The following SMARCA2 variants were observed in gnomAD, a reference collection of about 807,000 sequenced individuals.
The protein encoded by SMARCA2 is SWI/SNF related BAF chromatin remodeling complex subunit ATPase 2.
A neutral mutation model predicts 199.8 loss-of-function variants in SMARCA2; 61 were observed. That is an observed-to-expected ratio of 0.31 (90% CI 0.25 to 0.38). The LOEUF is 0.38. Ranked by LOEUF, SMARCA2 falls within the 10% of genes least tolerant of loss-of-function variation. SMARCA2 has a pLI of 1.00. For synonymous variants in SMARCA2, 935 were observed against 732.0 expected, an observed-to-expected ratio of 1.28 and a Z score of -4.48; for missense variants, 1,344 against 2,012.2, an observed-to-expected ratio of 0.67 and a Z score of 6.35.
At chr9:2,025,814 T>C (rs1366157817) in intron 1 of SMARCA2, among the ~76,000 whole-genome samples, 1 of 152,204 alleles carries the variant, frequency 6.6e-6, no homozygotes, top group Non-Finnish European at 1.5e-5. Context: ...ACCCGAAATG[T>C]AGAGGAAGAA....
chr9:2,043,117 A>G (rs1819682731), intron 4 of SMARCA2: 1 of 152,130 alleles, frequency 6.6e-6, no homozygotes, highest in African/African-American at 2.4e-5. Context: ...ACCCCTGCTA[A>G]TATTTCAGGA....
At position 2,123,826 on chromosome 9, in the gene SMARCA2, A is replaced by C. The variant is rs757958573; in HGVS notation, c.3870A>C (p.Glu1290Asp). 1 of 1,613,210 alleles carries C rather than the reference A, an allele frequency of 6.2e-7. No homozygotes were observed. Among genetic ancestry groups the C allele is most frequent in the Non-Finnish European group, 8.5e-7 (1 of 1,179,660 alleles). ...LPSWIIKDDA[E>D]VERLTCEEEE... ...CCTGGATCATTAAGGATGACGCTGAAGTAGAAAGGCTCACCTGTGAAGAAG... is the reference window on the plus strand; with the variant it reads ...CCTGGATCATTAAGGATGACGCTGACGTAGAAAGGCTCACCTGTGAAGAAG... Residue 1290 changes from glutamate (E) to aspartate (D), a missense_variant, in exon 27 of 34, where the codon GAA becomes GAC. This residue lies in a region of SMARCA2 where 63 missense variants were observed against 83.3 expected (regional missense o/e 0.76). Transcript: ENST00000349721. This position sits in a 1 kb window ranked among gnomAD's most constrained non-coding sequence, Gnocchi z 4.1.
At chr9:2,022,310 A>C (rs1242726757) in intron 1 of SMARCA2, among the ~76,000 whole-genome samples, 2 of 152,226 alleles carry the variant, frequency 1.3e-5, no homozygotes, top group Non-Finnish European at 2.9e-5. Context: ...AGGTGTCTTC[A>C]TATCTCATAT....
intron 29 of SMARCA2, chr9:2,181,343 T>C: frequency 2.4e-6 from 1 of 409,558 alleles, no homozygotes; most frequent in East Asian, 5.3e-5. Context: ...TCCCATATTG[T>C]ATGTGTGACA....
intron 26 of SMARCA2, among the ~76,000 whole-genome samples, chr9:2,122,217 T>C (rs118176887): frequency 2.0e-5 from 3 of 152,350 alleles, no homozygotes; most frequent in South Asian, 2.1e-4. Context: ...TAGAAATGTA[T>C]TGATTAAACA....
intron 1 of SMARCA2, among the ~76,000 whole-genome samples, chr9:2,018,192 G>T (rs762900077): frequency 1.3e-5 from 2 of 152,254 alleles, no homozygotes; most frequent in Admixed American, 6.5e-5. Context: ...GAATGAGGAA[G>T]GCTTGGGAAT....
At chr9:2,088,453 C>T in intron 18 of SMARCA2, 47 bp from the exon 19 acceptor site, 1 of 1,541,494 alleles carries the variant, frequency 6.5e-7, no homozygotes, top group Non-Finnish European at 8.7e-7. Flanking sequence ...TTGTATGAAA[C>T]ATCCTTTTCT....
chr9:2,144,933 CTG>C (rs147966017), intron 27 of SMARCA2, among the ~76,000 whole-genome samples: 2,422 of 152,086 alleles, frequency 0.016, 52 homozygotes, highest in African/African-American at 0.056. Context: ...TATTCACAAT[CTG>C]TGAATGAAAA....
At chr9:2,116,231 A>C (rs1823210750) in intron 25 of SMARCA2, among the ~76,000 whole-genome samples, 182 bp downstream of exon 25, 1 of 152,228 alleles carries the variant, frequency 6.6e-6, no homozygotes, top group African/African-American at 2.4e-5. Context: ...TGAGTGTCTT[A>C]AGAGCTATGG....
intron 1 of SMARCA2, among the ~76,000 whole-genome samples, chr9:2,024,474 A>G (rs1435080320): frequency 6.6e-6 from 1 of 152,128 alleles, no homozygotes; most frequent in Non-Finnish European, 1.5e-5. Context: ...CCTTGTACCT[A>G]GTAGATACTC....
intron 22 of SMARCA2, among the ~76,000 whole-genome samples, chr9:2,101,973 T>C (rs564676111): frequency 6.6e-6 from 1 of 152,348 alleles, no homozygotes; most frequent in Admixed American, 6.5e-5. Context: ...CATTTGACAT[T>C]AATGTACATG....
chr9:2,122,005 A>G (rs1823481894), intron 26 of SMARCA2, among the ~76,000 whole-genome samples: 1 of 152,360 alleles, frequency 6.6e-6, no homozygotes, highest in African/African-American at 2.4e-5. Context: ...GACTTTTGCC[A>G]TAATGTTGAA....
At chr9:2,175,813 C>T (rs946299408) in intron 29 of SMARCA2, among the ~76,000 whole-genome samples, 3 of 151,642 alleles carry the variant, frequency 2.0e-5, no homozygotes, top group African/African-American at 7.3e-5. Flanking sequence ...TTTTTTAAAT[C>T]CTTGTTGAGG....
At chr9:2,075,481 G>A (rs894337243) in intron 12 of SMARCA2, 1 of 152,156 alleles carries the variant, frequency 6.6e-6, no homozygotes, top group Non-Finnish European at 1.5e-5. Flanking sequence ...GAAGGGAGAG[G>A]TATTGAATCC....
intron 27 of SMARCA2, among the ~76,000 whole-genome samples, chr9:2,151,289 G>T (rs1258000903): frequency 6.6e-6 from 1 of 151,554 alleles, no homozygotes; most frequent in African/African-American, 2.4e-5. Flanking sequence ...TAGTTCATCA[G>T]GAGAGGGAAT....
At chr9:2,118,822 T>C (rs1220518954) in intron 25 of SMARCA2, among the ~76,000 whole-genome samples, 1 of 152,202 alleles carries the variant, frequency 6.6e-6, no homozygotes, top group Non-Finnish European at 1.5e-5. Context: ...TTATTTTAAT[T>C]AAGTATAATT....
At chr9:2,072,246 T>C (rs1821118896) in intron 10 of SMARCA2, among the ~76,000 whole-genome samples, 1 of 152,190 alleles carries the variant, frequency 6.6e-6, no homozygotes, top group South Asian at 2.1e-4. Flanking sequence ...TTTCAGGAAA[T>C]AGATAACTTG....
At chr9:2,092,771 G>A (rs1297672112) in intron 19 of SMARCA2, among the ~76,000 whole-genome samples, 1 of 152,134 alleles carries the variant, frequency 6.6e-6, no homozygotes. Flanking sequence ...TAGCTCCAGT[G>A]GCTCTCACAA....
rs565549926 is a variant in SMARCA2, at chr9:2,181,326, GTGTATTTCCCATAT to G, written c.4254-239_4254-226del. On this transcript the variant is annotated intron_variant, in intron 29 of 33. Coordinates refer to ENST00000349721, the MANE Select transcript of SMARCA2 (RefSeq NM_003070.5). ...ATTTGCTCTGAAAGGGAAATCCACA[GTGTATTTCCCATAT>G]TGTATGTGTGACAGAAGTGGGGACC... The G allele has an allele frequency of 4.0e-4, 141 of 352,492 alleles. 1 individual carries two copies. In the South Asian group the frequency reaches 4.3e-3, roughly 11 times the overall value. The allele number at this position is 352,492 out of a possible 1,614,324, so 21.8% of individuals were successfully genotyped here. A position where few individuals can be genotyped will look rare whatever the true frequency, so the allele number is the denominator to read the frequency against.
Sources: allele counts gnomAD v4.1 joint callset (sites outside exome capture counted in the v4.1 genomes callset), GRCh38; gene constraint gnomAD v4.1.1; regional missense constraint gnomAD v4.1.1; non-coding constraint Gnocchi (gnomAD v3.1); transcripts MANE v1.5; gene names NCBI Gene and HGNC (gene_info 2026-07-23, HGNC 2026-07-21).